The following ESRRB variants were observed in gnomAD, a reference collection of about 807,000 sequenced individuals.
ESRRB encodes the protein steroid hormone receptor ERR2.
In ESRRB, 16 loss-of-function variants were observed where a neutral mutation model predicts 46.0. The observed-to-expected ratio is 0.35, with a 90% CI of 0.24 to 0.53. ESRRB has a LOEUF of 0.53. Among genes scored for constraint, ESRRB ranks in the 20% least tolerant of loss-of-function variants. The pLI is 0.93. For missense variants in ESRRB, 488 were observed against 607.4 expected, an observed-to-expected ratio of 0.80 and a Z score of 2.07; for synonymous variants, 246 against 259.6, an observed-to-expected ratio of 0.95 and a Z score of 0.50.
chr14:76,485,803 A>G (rs1889995806), intron 5 of ESRRB, among the ~76,000 whole-genome samples: 1 of 152,198 alleles, frequency 6.6e-6, no homozygotes. Flanking sequence ...GCTCAGGAGT[A>G]GAGCTCTGAA....
intron 1 of ESRRB, among the ~76,000 whole-genome samples, chr14:76,319,970 T>C (rs1294992146): frequency 6.6e-6 from 1 of 152,126 alleles, no homozygotes; most frequent in Non-Finnish European, 1.5e-5. Context: ...GGATCAACCA[T>C]AAGACATGCA....
intron 1 of ESRRB, among the ~76,000 whole-genome samples, chr14:76,345,037 T>C (rs2139754982): frequency 6.6e-6 from 1 of 152,322 alleles, no homozygotes; most frequent in Middle Eastern, 3.4e-3. Context: ...AACATGAATG[T>C]GCAAGTATCT....
chr14:76,455,208 CT>C (rs1291184007), intron 2 of ESRRB, among the ~76,000 whole-genome samples: 1 of 152,056 alleles, frequency 6.6e-6, no homozygotes, highest in Non-Finnish European at 1.5e-5. Flanking sequence ...CAGAGCAAGA[CT>C]TTGTCTCAAA....
chr14:76,491,447 G>T lies in ESRRB; in HGVS notation c.851G>T (p.Gly284Val), dbSNP rs1321525716. ...VIIGWAKHIP[G>V]FSSLSLGDQM... ...CCCTCTGTGCCCCCTCTTCCTGCAG[G>T]CTTCTCAAGCCTCTCCCTGGGGGAC... The change falls in exon 6 of 7, where the codon GGC (glycine) becomes GTC (valine). Residue 284 changes from glycine (G) to valine (V), a missense_variant and splice_region_variant. Transcript: ENST00000644823. 3 of 1,607,014 alleles carry T rather than the reference G, an allele frequency of 1.9e-6. No individual in the cohort carries two copies. Among genetic ancestry groups the T allele is most frequent in the African/African-American group, 2.7e-5 (2 of 74,858 alleles).
intron 1 of ESRRB, among the ~76,000 whole-genome samples, chr14:76,396,794 G>A (rs1484911735): frequency 1.3e-5 from 2 of 152,212 alleles, no homozygotes; most frequent in South Asian, 2.1e-4. Context: ...TCAACTCCCG[G>A]AGCCAGCGCT....
intron 1 of ESRRB, among the ~76,000 whole-genome samples, chr14:76,362,904 T>G (rs1235703999): frequency 6.6e-6 from 1 of 152,206 alleles, no homozygotes; most frequent in African/African-American, 2.4e-5. Flanking sequence ...TTTTTAAAGT[T>G]TGAAAGCCAT....
At chr14:76,494,466 C>A (rs979689976) in intron 6 of ESRRB, among the ~76,000 whole-genome samples, 1 of 152,028 alleles carries the variant, frequency 6.6e-6, no homozygotes, top group Non-Finnish European at 1.5e-5. Flanking sequence ...GCCACCACGC[C>A]CGGCTAATTT....
chr14:76,495,024 A>G (rs1333640530), intron 6 of ESRRB, among the ~76,000 whole-genome samples: 1 of 152,170 alleles, frequency 6.6e-6, no homozygotes, highest in East Asian at 1.9e-4. Flanking sequence ...ACCCGCACAC[A>G]TACACACATG....
intron 1 of ESRRB, among the ~76,000 whole-genome samples, chr14:76,414,166 C>T (rs1314101038): frequency 2.5e-4 from 3 of 12,064 alleles, no homozygotes; most frequent in Admixed American, 7.0e-4. Flanking sequence ...GCACCGTCCC[C>T]CCCGCCCCTG....
intron 2 of ESRRB, among the ~76,000 whole-genome samples, chr14:76,452,807 C>T (rs1377673151): frequency 6.6e-6 from 1 of 152,124 alleles, no homozygotes; most frequent in Non-Finnish European, 1.5e-5. Context: ...ATTTCGTCAG[C>T]TGGGAGAGTC....
At chr14:76,386,454 ATTT>A (rs10573960) in intron 1 of ESRRB, among the ~76,000 whole-genome samples, 1,341 of 112,822 alleles carry the variant, frequency 0.012, 21 homozygotes, top group African/African-American at 0.042. Context: ...CGGTTTTTTA[ATTT>A]TTTTTTTTTT....
chr14:76,412,798 G>T (rs1886498313), intron 1 of ESRRB, among the ~76,000 whole-genome samples: 1 of 152,194 alleles, frequency 6.6e-6, no homozygotes, highest in Non-Finnish European at 1.5e-5. Context: ...AGAAAGGTGG[G>T]TGGGGGAAAT....
chr14:76,473,805 G>A (rs929229344), intron 3 of ESRRB, among the ~76,000 whole-genome samples: 5 of 152,238 alleles, frequency 3.3e-5, no homozygotes, highest in African/African-American at 1.2e-4. Flanking sequence ...GTAAGGTGCC[G>A]GCTGTGGACG....
Position 76,498,269 on chromosome 14 carries a change from C to A in ESRRB, c.1176C>A (p.His392Gln), listed in dbSNP as rs370193367. The stretch of plus-strand genomic sequence containing the variant: ...TCCAGAAGCTGCAGGACCTGCTGCA[C>A]GAGGCACTGCAGGACTACGAGCTGA... ...EAVQKLQDLL[H>Q]EALQDYELSQ... The change falls in exon 7 of 7, where the codon CAC (histidine) becomes CAA (glutamine). Residue 392 changes from histidine (H) to glutamine (Q), a missense_variant. Transcript: ENST00000644823. 17 of 1,613,622 alleles carry A rather than the reference C, an allele frequency of 1.1e-5. No homozygotes were observed. The highest frequency in any genetic ancestry group is 1.4e-5 in the Non-Finnish European group (17 of 1,179,960).
intron 1 of ESRRB, among the ~76,000 whole-genome samples, chr14:76,331,825 T>C (rs1595046301): frequency 6.6e-6 from 1 of 151,584 alleles, no homozygotes; most frequent in Non-Finnish European, 1.5e-5. Flanking sequence ...GCCAGGAGGG[T>C]GGCCACGTGC....
At chr14:76,485,208 G>A (rs1889959093) in intron 5 of ESRRB, among the ~76,000 whole-genome samples, 1 of 151,248 alleles carries the variant, frequency 6.6e-6, no homozygotes, top group African/African-American at 2.4e-5. Flanking sequence ...CTCATACTAA[G>A]GGCAATGACA....
intron 1 of ESRRB, among the ~76,000 whole-genome samples, chr14:76,423,288 T>C (rs1008775371): frequency 6.6e-6 from 1 of 151,844 alleles, no homozygotes; most frequent in Non-Finnish European, 1.5e-5. Context: ...GGATTACAGA[T>C]GTGTGCCACC....
chr14:76,391,355 T>A (rs1026426139), intron 1 of ESRRB, among the ~76,000 whole-genome samples: 1 of 152,172 alleles, frequency 6.6e-6, no homozygotes, highest in Non-Finnish European at 1.5e-5. Flanking sequence ...ACCTTTGCCA[T>A]CAGGAGGGGC....
chr14:76,337,137 A>G (rs542850127), intron 1 of ESRRB, among the ~76,000 whole-genome samples: 1 of 152,174 alleles, frequency 6.6e-6, no homozygotes, highest in South Asian at 2.1e-4. Flanking sequence ...GGATGAGGAG[A>G]AGCATAGAAG....
Sources: gnomAD v4.1 joint callset for allele counts (sites outside exome capture counted in the v4.1 genomes callset) on GRCh38, gnomAD v4.1.1 for gene constraint, MANE v1.5 for transcripts, NCBI Gene and HGNC (gene_info 2026-07-23, HGNC 2026-07-21) for gene names.